BAIAP2L1: variants seen among roughly 807,000 people sequenced by gnomAD.
The protein encoded by BAIAP2L1 is BAR/IMD domain-containing adapter protein 2-like 1.
Under a neutral mutation model 66.3 loss-of-function variants are expected in BAIAP2L1, and 35 were observed. The ratio of observed to expected loss-of-function variants is 0.53; its 90% CI spans 0.40 to 0.70. The LOEUF (loss-of-function observed/expected upper bound fraction) is 0.70, where lower values mean the gene tolerates loss of function less well. Among genes scored for constraint, BAIAP2L1 ranks in the 30% least tolerant of loss-of-function variants. The pLI is 0.00. For missense variants in BAIAP2L1, 622 were observed against 656.9 expected (o/e 0.95, Z 0.58); for synonymous variants, 269 against 248.7 (o/e 1.08, Z -0.77).
chr7:98,371,114 T>C (rs950366917), intron 1 of BAIAP2L1, among the ~76,000 whole-genome samples: 1 of 152,148 alleles, frequency 6.6e-6, no homozygotes, highest in African/African-American at 2.4e-5. Flanking sequence ...AATTTAAGTT[T>C]GGCACTAAGA....
At chr7:98,384,628 AG>A in intron 1 of BAIAP2L1, among the ~76,000 whole-genome samples, 1 of 150,690 alleles carries the variant, frequency 6.6e-6, no homozygotes, top group Non-Finnish European at 1.5e-5. Flanking sequence ...CTACTTTTAT[AG>A]TAGTATCTGG....
In BAIAP2L1 at chr7:98,362,438, A is replaced by C. The variant is rs770789685; in HGVS notation, c.52-6T>G. On this transcript the variant is annotated splice_region_variant and splice_polypyrimidine_tract_variant and intron_variant, in intron 1 of 13. Coordinates refer to ENST00000005260, the MANE Select transcript of BAIAP2L1 (RefSeq NM_018842.5). ...TTGAACTGTTCCATAACATTCTGCC[A>C]AACAAACAAAACACACAAATTAATA... 1 of 1,590,352 alleles carries C rather than the reference A, an allele frequency of 6.3e-7. No homozygotes were observed. Among genetic ancestry groups the C allele is most frequent in the Non-Finnish European group, 8.5e-7 (1 of 1,171,730 alleles).
rs1236483901 is a variant in BAIAP2L1, at chr7:98,312,241, C to A, written c.663G>T (p.Lys221Asn). Residue 221 changes from lysine (K) to asparagine (N), a missense_variant, in exon 8 of 14, where the codon AAG (lysine) becomes AAT (asparagine). Coordinates refer to ENST00000005260, the MANE Select transcript of BAIAP2L1 (RefSeq NM_018842.5). ...CACAGGTCTCCTGCCACCGAGGCAG[C>A]TTGGAATTCAGTAGTTCTGCAGACT... ...HLQSAELLNS[K>N]LPRWQETCVD... 6.2e-7 allele frequency: 1 copy of A among 1,612,730 alleles called. No individual in the cohort carries two copies. Among genetic ancestry groups the A allele is most frequent in the East Asian group, 2.2e-5 (1 of 44,868 alleles).
Position 98,292,843 on chromosome 7 carries a change from G to A in BAIAP2L1, c.*678C>T, listed in dbSNP as rs1370144256. 1.8e-5 allele frequency: 27 copies of A among 1,464,148 alleles called. No individual in the cohort carries two copies. In the East Asian group the frequency reaches 3.0e-4, roughly 16 times the overall value. The allele number at this position is 1,464,148 out of a possible 1,614,324, so 90.7% of individuals were successfully genotyped here. On this transcript the variant is annotated 3_prime_UTR_variant, in exon 14 of 14. Transcript: ENST00000005260. ...GGCCGTGTGCAGCGAATCCGTTGGC[G>A]ACTCCTAACTACCAAGAAAAGGAGC...
rs552665606 is a variant in BAIAP2L1 at position 98,293,594 on chromosome 7, C to T, written c.1463G>A (p.Gly488Glu). 1.9e-6 allele frequency: 3 copies of T among 1,613,220 alleles called. No individual in the cohort carries two copies. The highest frequency in any genetic ancestry group is 2.5e-6 in the Non-Finnish European group (3 of 1,179,380). The change falls in exon 14 of 14, where the codon GGA becomes GAA. Residue 488 changes from glycine to glutamate, a missense_variant and splice_region_variant. By Grantham distance (98) the Gly-to-Glu change is moderately conservative. Transcript: ENST00000005260. The stretch of plus-strand genomic sequence containing the variant: ...TTTCACAGTGGCAAAGGGGTTTTCT[C>T]CGCTGCAGGGGATAAGAAAAATCTT... ...NGTAKPPFLSGENPFATVKLR... is the reference protein window; with the variant it reads ...NGTAKPPFLSEENPFATVKLR...
rs2906187 is a variant in BAIAP2L1, at chr7:98,307,586, T to C, written c.1163+103A>G. On this transcript the variant is annotated intron_variant, in intron 10 of 13. Transcript: ENST00000005260. ...TAGAACTAAACCATAAACTTAACTT[T>C]GGCTAAAATGTGAGCATGTCCACGA... 4.2e-5 allele frequency: 64 copies of C among 1,522,014 alleles called. No homozygotes were observed. The African/African-American group carries it at 8.2e-4, about 20-fold the overall frequency. The allele number at this position is 1,522,014 out of a possible 1,614,324, so 94.3% of individuals were successfully genotyped here. A position where few individuals can be genotyped will look rare whatever the true frequency, so the allele number is the denominator to read the frequency against.
intron 3 of BAIAP2L1, among the ~76,000 whole-genome samples, chr7:98,333,214 T>C (rs1801540374): frequency 6.6e-6 from 1 of 152,186 alleles, no homozygotes; most frequent in African/African-American, 2.4e-5. Flanking sequence ...CCCACTAGAA[T>C]GTTAGTTCCC....
chr7:98,322,305 T>C (rs561461186), intron 3 of BAIAP2L1, among the ~76,000 whole-genome samples: 6 of 152,150 alleles, frequency 3.9e-5, no homozygotes, highest in Non-Finnish European at 8.8e-5. Flanking sequence ...CAGGCTTCCC[T>C]TGTCCCAGCT....
chr7:98,357,780 C>T (rs901188161), intron 2 of BAIAP2L1, among the ~76,000 whole-genome samples: 5 of 152,034 alleles, frequency 3.3e-5, no homozygotes, highest in African/African-American at 4.8e-5. Context: ...AGACACAGTC[C>T]GTAATGTCAT....
At chr7:98,326,319 G>C (rs1801381034) in intron 3 of BAIAP2L1, among the ~76,000 whole-genome samples, 1 of 152,214 alleles carries the variant, frequency 6.6e-6, no homozygotes, top group Admixed American at 6.5e-5. Flanking sequence ...CAATGTGCTT[G>C]TAGGGGTGAC....
At chr7:98,368,374 G>C (rs1336001172) in intron 1 of BAIAP2L1, among the ~76,000 whole-genome samples, 1 of 152,158 alleles carries the variant, frequency 6.6e-6, no homozygotes, top group Non-Finnish European at 1.5e-5. Context: ...AGCTGAGACC[G>C]TGCCATTGCA....
chr7:98,312,444 G>A (rs1800907928), intron 7 of BAIAP2L1, among the ~76,000 whole-genome samples, 180 bp from the exon 8 acceptor site: 2 of 152,210 alleles, frequency 1.3e-5, no homozygotes. Context: ...CTCACCGGCT[G>A]AGAGGGGCAA....
intron 12 of BAIAP2L1, among the ~76,000 whole-genome samples, chr7:98,302,302 T>A (rs930584274): frequency 6.6e-6 from 1 of 152,204 alleles, no homozygotes; most frequent in African/African-American, 2.4e-5. Context: ...CTGAAGACTA[T>A]CCAGGGTTGG....
chr7:98,292,511 C>G lies in BAIAP2L1; in HGVS notation c.*1010G>C. The stretch of plus-strand genomic sequence containing the variant: ...CTCCACTCCAAAATAGGTCCAGATC[C>G]TTGGCAGCCAAAGATGATTTCCAGC... On this transcript the variant is annotated 3_prime_UTR_variant, in exon 14 of 14. Coordinates refer to ENST00000005260, the MANE Select transcript of BAIAP2L1 (RefSeq NM_018842.5). 1 of 916,892 alleles carries G rather than the reference C, an allele frequency of 1.1e-6. No individual in the cohort carries two copies. The highest frequency in any genetic ancestry group is 2.7e-5 in the East Asian group (1 of 37,598). 56.8% of individuals were successfully genotyped at this position (916,892 alleles called of 1,614,324 possible). A position where few individuals can be genotyped will look rare whatever the true frequency, so the allele number is the denominator to read the frequency against.
Position 98,347,777 on chromosome 7 carries a change from CA to C in BAIAP2L1, c.214+7264del, listed in dbSNP as rs1017375062. Among the ~76,000 whole-genome samples the C allele has an allele frequency of 5.3e-3, 731 of 137,822 alleles. 9 individuals are homozygous for C. The highest frequency in any genetic ancestry group is 0.018 in the African/African-American group (657 of 37,524). 90.4% of individuals were successfully genotyped at this position (137,822 alleles called of 152,430 possible). On this transcript the variant is annotated intron_variant, in intron 3 of 13. Transcript: ENST00000005260. ...CGGGCGACAGAGCGAAACAATGTCT[CA>C]AAAAAAAAAAGAAATTAGAAAAAGA...
rs563381751 is a variant in BAIAP2L1 at position 98,302,167 on chromosome 7, T to A, written c.1422+2029A>T. Among the ~76,000 whole-genome samples the A allele has an allele frequency of 1.1e-4, 16 of 152,332 alleles. No homozygotes were observed. In the South Asian group the frequency reaches 3.1e-3, roughly 30 times the overall value. On this transcript the variant is annotated intron_variant, in intron 12 of 13. Transcript: ENST00000005260. ...CTGTCATTACTGAGTACACTGATAC[T>A]TACAACCAGGCTTCTTCCATTTATC...
chr7:98,370,704 T>C (rs1032977022), intron 1 of BAIAP2L1, among the ~76,000 whole-genome samples: 8 of 152,122 alleles, frequency 5.3e-5, no homozygotes, highest in Non-Finnish European at 1.2e-4. Flanking sequence ...GGTTTCACCA[T>C]GTTAGCCAGG....
chr7:98,364,446 T>C (rs1264630987), intron 1 of BAIAP2L1, among the ~76,000 whole-genome samples: 4 of 152,188 alleles, frequency 2.6e-5, no homozygotes, highest in African/African-American at 9.6e-5. Flanking sequence ...TCAGTGTGGC[T>C]TGACTGTCAC....
At chr7:98,296,617 CCA>C (rs1280694171) in intron 12 of BAIAP2L1, among the ~76,000 whole-genome samples, 1 of 150,024 alleles carries the variant, frequency 6.7e-6, no homozygotes, top group Non-Finnish European at 1.5e-5. Flanking sequence ...GAGTGAGACT[CCA>C]TCTGTAAAAA....
Sources: allele counts gnomAD v4.1 joint callset (sites outside exome capture counted in the v4.1 genomes callset), GRCh38; gene constraint gnomAD v4.1.1; transcripts MANE v1.5; gene names NCBI Gene and HGNC (gene_info 2026-07-23, HGNC 2026-07-21).